Variants in NCOA5 observed in about 807,000 individuals in gnomAD.
NCOA5 encodes nuclear receptor coactivator 5, also known as NCoA-5.
In NCOA5, 12 loss-of-function variants were observed where a neutral mutation model predicts 59.0. That is an observed-to-expected ratio of 0.20 (90% CI 0.13 to 0.33). The LOEUF is 0.33. NCOA5 is among the 10% of genes least tolerant of loss of function. The pLI is 1.00. For missense variants in NCOA5, 655 were observed against 766.6 expected (o/e 0.85, Z 1.72); for synonymous variants, 270 against 275.5 (o/e 0.98, Z 0.20).
chr20:46,069,825 T>C (rs896314542), intron 3 of NCOA5, among the ~76,000 whole-genome samples: 5 of 152,232 alleles, frequency 3.3e-5, no homozygotes, highest in Non-Finnish European at 5.9e-5. Flanking sequence ...TGCATATTCA[T>C]GTACAACTGA....
At chr20:46,077,662 C>G (rs2084951815) in intron 2 of NCOA5, among the ~76,000 whole-genome samples, 1 of 152,154 alleles carries the variant, frequency 6.6e-6, no homozygotes, top group Non-Finnish European at 1.5e-5. Context: ...TTCCACACTC[C>G]TGGTAAGTCA....
intron 2 of NCOA5, among the ~76,000 whole-genome samples, chr20:46,072,049 C>T (rs2084888288): frequency 6.6e-6 from 1 of 152,198 alleles, no homozygotes; most frequent in African/African-American, 2.4e-5. Context: ...ACTCAAGCCA[C>T]GAAACTGGAT....
At chr20:46,062,974 C>T in intron 7 of NCOA5, 85 bp from the exon 8 acceptor site, 1 of 1,125,370 alleles carries the variant, frequency 8.9e-7, no homozygotes, top group South Asian at 1.6e-5. Context: ...ACAACAATCA[C>T]TGAGTCACAT....
At position 46,070,487 on chromosome 20, in the gene NCOA5, G is replaced by C. The variant is rs1183584702; in HGVS notation, c.88C>G (p.Pro30Ala). 1 of 1,613,886 alleles carries C rather than the reference G, an allele frequency of 6.2e-7. No individual in the cohort carries two copies. Among genetic ancestry groups the C allele is most frequent in the Non-Finnish European group, 8.5e-7 (1 of 1,179,980 alleles). ...TCTCTCCTTGGACTTCCTCGAATTGGGGATCGATCACGCCTTGAATCTCGA... is the reference window on the plus strand; with the variant it reads ...TCTCTCCTTGGACTTCCTCGAATTGCGGATCGATCACGCCTTGAATCTCGA... ...DSRDSRRDRSPIRGSPRREPR... is the reference protein window; with the variant it reads ...DSRDSRRDRSAIRGSPRREPR... The change falls in exon 3 of 8, where the codon CCA (proline) becomes GCA (alanine). Residue 30 changes from proline (P) to alanine (A), a missense_variant. Pro to Ala is a conservative substitution (Grantham distance 27). Around this residue, in one of 3 missense-constraint regions of NCOA5, gnomAD observed 250 missense variants for 260.1 expected, o/e 0.96. Coordinates refer to ENST00000290231, the MANE Select transcript of NCOA5 (RefSeq NM_020967.3).
At chr20:46,073,544 A>C (rs547715851) in intron 2 of NCOA5, among the ~76,000 whole-genome samples, 1 of 152,348 alleles carries the variant, frequency 6.6e-6, no homozygotes, top group Admixed American at 6.5e-5. Flanking sequence ...GGACAACTGC[A>C]AAGTATTTTT....
At chr20:46,087,110 G>A (rs950442786) in intron 1 of NCOA5, among the ~76,000 whole-genome samples, 3 of 152,230 alleles carry the variant, frequency 2.0e-5, no homozygotes, top group Non-Finnish European at 2.9e-5. Context: ...ATAAGATGAC[G>A]GGCAGGAGCA....
chr20:46,062,242 A>T lies in NCOA5; in HGVS notation c.*58T>A. ...TCCTCCAAACAGCTCTATTTAGAACAAGTAAGTGGGAGGAGGCCAGGGGAT... is the reference window on the plus strand; with the variant it reads ...TCCTCCAAACAGCTCTATTTAGAACTAGTAAGTGGGAGGAGGCCAGGGGAT... On this transcript the variant is annotated 3_prime_UTR_variant, in exon 8 of 8. Coordinates refer to ENST00000290231, the MANE Select transcript of NCOA5 (RefSeq NM_020967.3). 1 of 1,374,588 alleles carries T rather than the reference A, an allele frequency of 7.3e-7. No homozygotes were observed. The highest frequency in any genetic ancestry group is 1.3e-5 in the South Asian group (1 of 76,952). 85.1% of individuals were successfully genotyped at this position (1,374,588 alleles called of 1,614,324 possible). A position where few individuals can be genotyped will look rare whatever the true frequency, so the allele number is the denominator to read the frequency against.
intron 5 of NCOA5, 142 bp downstream of exon 5, chr20:46,066,913 C>G (rs1449594869): frequency 1.0e-6 from 1 of 975,704 alleles, no homozygotes; most frequent in African/African-American, 1.6e-5. Context: ...TTTCTGTCAC[C>G]TATAACTGAA....
intron 2 of NCOA5, among the ~76,000 whole-genome samples, chr20:46,077,571 C>T (rs1440001240): frequency 6.6e-6 from 1 of 152,122 alleles, no homozygotes; most frequent in East Asian, 1.9e-4. Flanking sequence ...CAGACATTAT[C>T]CAGAGATCAC....
intron 2 of NCOA5, among the ~76,000 whole-genome samples, chr20:46,075,399 A>T (rs1172619036): frequency 3.3e-5 from 5 of 152,156 alleles, no homozygotes; most frequent in Non-Finnish European, 7.3e-5. Context: ...AGCAAGCAAT[A>T]ATCAAAAGCA....
At position 46,080,017 on chromosome 20, in the gene NCOA5, AATT is replaced by A. The variant is rs1202428037; in HGVS notation, c.-29-567_-29-565del. On this transcript the variant is annotated intron_variant, in intron 1 of 7. Transcript: ENST00000290231. ...TTCCAGAATAACATGCAGGAAAGAAAATTATTATTATTATTTTTAATAAACAAA... is the reference window on the plus strand; with the variant it reads ...TTCCAGAATAACATGCAGGAAAGAAAATTATTATTATTTTTAATAAACAAA... Among the ~76,000 whole-genome samples the A allele has an allele frequency of 3.9e-5, 6 of 152,264 alleles. No homozygotes were observed. The East Asian group carries it at 7.7e-4, about 20-fold the overall frequency.
rs2084769780 is a variant in NCOA5, at chr20:46,062,012, C to CT, written c.*287_*288insA. Reference sequence around the variant, plus strand: ...GCTCCAAATCCAGTAGAAACAGGGACCGGAGAAACCCCATCAAATACAAGC... The same window carrying CT: ...GCTCCAAATCCAGTAGAAACAGGGACTCGGAGAAACCCCATCAAATACAAGC... On this transcript the variant is annotated 3_prime_UTR_variant, in exon 8 of 8. Coordinates refer to ENST00000290231, the MANE Select transcript of NCOA5 (RefSeq NM_020967.3). The CT allele has an allele frequency of 4.0e-6, 1 of 249,080 alleles. No homozygotes were observed. Among genetic ancestry groups the CT allele is most frequent in the Non-Finnish European group, 7.7e-6 (1 of 129,136 alleles). The allele number at this position is 249,080 out of a possible 1,614,324, so 15.4% of individuals were successfully genotyped here.
chr20:46,069,606 C>T (rs956676205), intron 3 of NCOA5, among the ~76,000 whole-genome samples: 3 of 152,136 alleles, frequency 2.0e-5, no homozygotes, highest in Non-Finnish European at 2.9e-5. Context: ...CGGCATATGC[C>T]TGTAGTCCCA....
chr20:46,067,529 T>C lies in NCOA5; in HGVS notation c.503-348A>G, dbSNP rs545444608. ...TTTTAAGTCTTGCCAACTTGACAGA[T>C]AAGAATATTATTATTATTCTAATCT... On this transcript the variant is annotated intron_variant, in intron 4 of 7. Coordinates refer to ENST00000290231, the MANE Select transcript of NCOA5 (RefSeq NM_020967.3). Among the ~76,000 whole-genome samples, 508 of 152,216 alleles carry C rather than the reference T, an allele frequency of 3.3e-3. 3 individuals carry two copies. Among genetic ancestry groups the C allele is most frequent in the South Asian group, 0.025 (121 of 4,830 alleles).
chr20:46,072,146 T>C (rs1293044523), intron 2 of NCOA5, among the ~76,000 whole-genome samples: 2 of 152,202 alleles, frequency 1.3e-5, no homozygotes, highest in East Asian at 1.9e-4. Flanking sequence ...CACTTTCCTT[T>C]ACCTTCTTTG....
intron 5 of NCOA5, 96 bp from the exon 6 acceptor site, chr20:46,065,324 C>A (rs910420031): frequency 3.6e-5 from 41 of 1,141,338 alleles, no homozygotes; most frequent in Middle Eastern, 2.3e-4. Flanking sequence ...TAACTCAAAC[C>A]TTAGTCTACC....
chr20:46,075,489 G>A lies in NCOA5; in HGVS notation c.38+3898C>T, dbSNP rs192814360. 3.2e-3 allele frequency among the ~76,000 whole-genome samples: 490 copies of A among 152,286 alleles called. 2 individuals carry two copies. The highest frequency in any genetic ancestry group is 4.8e-3 in the Non-Finnish European group (326 of 68,014). ...ACAGCCAGGTTATTTCTGATGAGCC[G>A]ATACCCAATGACTTTCACCAAAGAG... On this transcript the variant is annotated intron_variant, in intron 2 of 7. Transcript: ENST00000290231.
intron 1 of NCOA5, among the ~76,000 whole-genome samples, chr20:46,085,655 C>A (rs541570202): frequency 6.6e-6 from 1 of 152,014 alleles, no homozygotes; most frequent in Non-Finnish European, 1.5e-5. Context: ...ATTAGAAAAA[C>A]TACAGGAAGT....
rs781205639 is a variant in NCOA5 at position 46,062,769 on chromosome 20, G to A, written c.1271C>T (p.Pro424Leu). ...LPSATPTPSA[P>L]PTSQQELQAK... is the part of the protein sequence containing the mutation. ...CTGAAGCTCTTGCTGGGAGGTGGGGGGTGCAGATGGAGTGGGTGTAGCAGA... is the reference window on the plus strand; with the variant it reads ...CTGAAGCTCTTGCTGGGAGGTGGGGAGTGCAGATGGAGTGGGTGTAGCAGA... The change falls in exon 8 of 8, where the codon CCC (proline) becomes CTC (leucine). Residue 424 changes from proline to leucine, a missense_variant. Physicochemically the swap from Pro to Leu is moderately conservative, Grantham distance 98. Transcript: ENST00000290231. 1.2e-6 allele frequency: 2 copies of A among 1,603,442 alleles called. No individual in the cohort carries two copies. The highest frequency in any genetic ancestry group is 1.7e-6 in the Non-Finnish European group (2 of 1,174,088).
Sources: gnomAD v4.1 joint callset for allele counts (sites outside exome capture counted in the v4.1 genomes callset) on GRCh38, gnomAD v4.1.1 for gene constraint, gnomAD v4.1.1 regional missense constraint, MANE v1.5 for transcripts, NCBI Gene and HGNC (gene_info 2026-07-23, HGNC 2026-07-21) for gene names.